The following PTN variants were observed in gnomAD, a reference collection of about 807,000 sequenced individuals.
PTN encodes heparin affin regulatory protein.
PTN carries 18 observed loss-of-function variants against 24.1 expected under a neutral mutation model. The ratio of observed to expected loss-of-function variants is 0.75; its 90% confidence interval spans 0.52 to 1.11. The LOEUF (loss-of-function observed/expected upper bound fraction) is 1.11. Among genes scored for constraint, PTN ranks in the 50% least tolerant of loss-of-function variants. The pLI, the probability that PTN is intolerant of heterozygous loss-of-function variation, is 0.00. For synonymous variants in PTN, 78 were observed against 68.6 expected (o/e 1.14, Z -0.67); for missense variants, 163 against 198.8 (o/e 0.82, Z 1.08).
intron 4 of PTN, among the ~76,000 whole-genome samples, chr7:137,242,024 T>C (rs1808637201): frequency 6.6e-6 from 1 of 152,192 alleles, no homozygotes; most frequent in Admixed American, 6.5e-5. Context: ...TCCTGAGGGA[T>C]GTCAGAGCCC....
intron 1 of PTN, among the ~76,000 whole-genome samples, chr7:137,286,589 C>T (rs1215109251): frequency 6.6e-6 from 1 of 152,092 alleles, no homozygotes; most frequent in Non-Finnish European, 1.5e-5. Flanking sequence ...GTCTGTCCAT[C>T]GAAGATAAAT....
chr7:137,341,039 A>G (rs917071408), intron 1 of PTN, among the ~76,000 whole-genome samples: 16 of 152,198 alleles, frequency 1.1e-4, no homozygotes, highest in African/African-American at 3.9e-4. Flanking sequence ...GGTAAACTCG[A>G]TTTTGTGGGA....
chr7:137,340,631 G>A (rs569965705), intron 1 of PTN, among the ~76,000 whole-genome samples: 2 of 152,328 alleles, frequency 1.3e-5, no homozygotes, highest in South Asian at 2.1e-4. Context: ...ACATGACCTT[G>A]TGCCAGAAGG....
rs761203245 is a variant in PTN, at chr7:137,227,972, C to T, written c.*48G>A. 1 of 1,598,050 alleles carries T rather than the reference C, an allele frequency of 6.3e-7. No individual in the cohort carries two copies. Among genetic ancestry groups the T allele is most frequent in the South Asian group, 1.1e-5 (1 of 88,224 alleles). ...CGGTACATATAAATGCAATAGTTAA[C>T]TGATCCTGTTTGCTGATGTCCTTTT... On this transcript the variant is annotated 3_prime_UTR_variant, in exon 5 of 5. Transcript: ENST00000348225.
intron 4 of PTN, among the ~76,000 whole-genome samples, chr7:137,247,549 G>T (rs13229790): frequency 6.6e-6 from 1 of 151,674 alleles, no homozygotes; most frequent in African/African-American, 2.4e-5. Context: ...ATGGTTAATG[G>T]GTACAAAAAA....
At chr7:137,279,968 C>A (rs140385314) in intron 1 of PTN, among the ~76,000 whole-genome samples, 310 of 152,264 alleles carry the variant, frequency 2.0e-3, no homozygotes, top group Non-Finnish European at 3.2e-3. Flanking sequence ...ACTTATTGGA[C>A]TTATCAAATT....
At chr7:137,242,054 TG>T (rs1563196935) in intron 4 of PTN, among the ~76,000 whole-genome samples, 2 of 152,244 alleles carry the variant, frequency 1.3e-5, no homozygotes, top group Admixed American at 1.3e-4. Context: ...ACAGAAATGT[TG>T]GGGGGAACTT....
At chr7:137,329,522 G>C (rs1562972569) in intron 1 of PTN, among the ~76,000 whole-genome samples, 1 of 152,150 alleles carries the variant, frequency 6.6e-6, no homozygotes, top group South Asian at 2.1e-4. Flanking sequence ...CTTGGCTCCA[G>C]GTACCTGAGC....
intron 1 of PTN, among the ~76,000 whole-genome samples, chr7:137,330,386 C>A (rs1464963895): frequency 6.6e-6 from 1 of 152,110 alleles, no homozygotes; most frequent in Non-Finnish European, 1.5e-5. Context: ...CCAACCTAAA[C>A]TTTTTTCTGA....
intron 1 of PTN, among the ~76,000 whole-genome samples, chr7:137,285,802 C>T (rs1809544692): frequency 6.6e-6 from 1 of 152,232 alleles, no homozygotes; most frequent in African/African-American, 2.4e-5. Flanking sequence ...CCTATATCAT[C>T]TTTCTACCCG....
intron 1 of PTN, among the ~76,000 whole-genome samples, chr7:137,279,327 CAGTT>C (rs1330905316): frequency 1.3e-5 from 2 of 152,084 alleles, no homozygotes; most frequent in Admixed American, 6.5e-5. Flanking sequence ...GTCATCTAAT[CAGTT>C]AGAGGAAAAT....
chr7:137,316,984 C>T (rs559094149), intron 1 of PTN, among the ~76,000 whole-genome samples: 30 of 152,264 alleles, frequency 2.0e-4, no homozygotes, highest in Non-Finnish European at 3.2e-4. Flanking sequence ...TCCCCAAGCC[C>T]GGCCTCTCCA....
chr7:137,291,695 T>G (rs1405951926), intron 1 of PTN, among the ~76,000 whole-genome samples: 1 of 152,136 alleles, frequency 6.6e-6, no homozygotes, highest in Non-Finnish European at 1.5e-5. Flanking sequence ...AACACTTATG[T>G]CCTCTGACGT....
Position 137,253,507 on chromosome 7 carries a change from G to T in PTN, c.246C>A (p.Thr82=). The change falls in exon 3 of 5, where the codon ACC becomes ACA. Residue 82 remains threonine (T), a synonymous_variant. Transcript: ENST00000348225. The stretch of plus-strand genomic sequence containing the variant: ...AGTTGCAGGGGATCTTACATCTCTG[G>T]GTCTTCATGGTTTGCTTGCACTCAG... The part of the protein sequence containing the change: ...TGAECKQTMK[T]QRCKIPCNWK... 6.2e-7 allele frequency: 1 copy of T among 1,611,602 alleles called. No individual in the cohort carries two copies. The highest frequency in any genetic ancestry group is 8.5e-7 in the Non-Finnish European group (1 of 1,178,846).
intron 1 of PTN, among the ~76,000 whole-genome samples, chr7:137,308,113 C>T (rs191783271): frequency 3.3e-5 from 5 of 152,228 alleles, no homozygotes; most frequent in East Asian, 1.9e-4. Context: ...GATTTTCTTA[C>T]GGCGTGAATC....
At chr7:137,323,339 G>T (rs759667935) in intron 1 of PTN, among the ~76,000 whole-genome samples, 6 of 152,140 alleles carry the variant, frequency 3.9e-5, no homozygotes, top group Non-Finnish European at 7.4e-5. Flanking sequence ...AGTGAAATTT[G>T]TATTTATGCA....
intron 1 of PTN, among the ~76,000 whole-genome samples, chr7:137,316,018 G>T (rs943472599): frequency 6.6e-6 from 1 of 152,104 alleles, no homozygotes; most frequent in African/African-American, 2.4e-5. Context: ...AAAAATATCT[G>T]CTCTGATCAT....
chr7:137,283,046 C>A (rs1276879564), intron 1 of PTN, among the ~76,000 whole-genome samples: 3 of 152,068 alleles, frequency 2.0e-5, no homozygotes, highest in Non-Finnish European at 4.4e-5. Context: ...TATCAAAGAG[C>A]CTGAAGGCTA....
chr7:137,297,753 G>A (rs6961948), intron 1 of PTN, among the ~76,000 whole-genome samples: 7 of 152,052 alleles, frequency 4.6e-5, no homozygotes, highest in South Asian at 4.1e-4. Flanking sequence ...GACGGCAAAC[G>A]AATCTATTGA....
Sources: gnomAD v4.1 joint callset for allele counts (sites outside exome capture counted in the v4.1 genomes callset) on GRCh38, gnomAD v4.1.1 for gene constraint, MANE v1.5 for transcripts, NCBI Gene and HGNC (gene_info 2026-07-23, HGNC 2026-07-21) for gene names.